The following C17orf113 variants were observed in gnomAD, a reference collection of about 807,000 sequenced individuals.
C17orf113 encodes the protein uncharacterized protein C17orf113.
A neutral mutation model predicts 11.6 loss-of-function variants in C17orf113; 5 were observed. The ratio of observed to expected loss-of-function variants is 0.43; its 90% CI spans 0.23 to 0.91. The LOEUF (loss-of-function observed/expected upper bound fraction) is 0.91, where lower values mean the gene tolerates loss of function less well. Ranked by LOEUF, C17orf113 falls within the 40% of genes least tolerant of loss-of-function variation. The pLI is 0.26. For missense variants in C17orf113, 714 were observed against 841.3 expected (o/e 0.85, Z 1.87); for synonymous variants, 327 against 390.6 (o/e 0.84, Z 1.92).
chr17:42,040,680 T>C lies in C17orf113; in HGVS notation c.1053A>G (p.Pro351=). ...LAAIDLAGPR[P]VPWASLLPVV... ...CAGGCAGCAGGGAGGCCCAGGGCAC[T>C]GGCCGAGGCCCTGCCAAGTCAATAG... The change falls in exon 3 of 3, where the codon CCA becomes CCG. Residue 351 remains proline, a synonymous_variant. Coordinates refer to ENST00000587304, the MANE Select transcript of C17orf113 (RefSeq NM_001358661.2). 1 of 1,232,238 alleles carries C rather than the reference T, an allele frequency of 8.1e-7. No individual in the cohort carries two copies. Among genetic ancestry groups the C allele is most frequent in the Non-Finnish European group, 1.0e-6 (1 of 988,040 alleles). 76.3% of individuals were successfully genotyped at this position (1,232,238 alleles called of 1,614,324 possible).
intron 1 of C17orf113, among the ~76,000 whole-genome samples, chr17:42,048,710 C>T (rs749859463): frequency 2.6e-5 from 4 of 152,106 alleles, no homozygotes; most frequent in Non-Finnish European, 4.4e-5. Context: ...GTTGATTCTT[C>T]CTCCAAAATC....
chr17:42,046,571 G>T (rs1555656639), intron 1 of C17orf113, among the ~76,000 whole-genome samples: 1 of 151,974 alleles, frequency 6.6e-6, no homozygotes, highest in East Asian at 1.9e-4. Flanking sequence ...CTGCACTCCA[G>T]CCTGGGAAAA....
chr17:42,047,006 G>A (rs1567988486), intron 1 of C17orf113, among the ~76,000 whole-genome samples: 1 of 149,832 alleles, frequency 6.7e-6, no homozygotes, highest in Non-Finnish European at 1.5e-5. Context: ...GGGATTACAG[G>A]CACATGCCGC....
In C17orf113 at chr17:42,042,978, A is replaced by G; in HGVS notation, c.399T>C (p.Thr133=). Residue 133 remains threonine, a synonymous_variant, in exon 2 of 3, where the codon ACT becomes ACC. Transcript: ENST00000587304. ...ELDPAKVAVL[T]TVYCMAKEDV... ...CCTCCTTTGCCATGCAGTACACAGTAGTCAGCACAGCCACTTTGGCCGGGT... is the reference window on the plus strand; with the variant it reads ...CCTCCTTTGCCATGCAGTACACAGTGGTCAGCACAGCCACTTTGGCCGGGT... The G allele has an allele frequency of 2.4e-6, 3 of 1,232,424 alleles. No homozygotes were observed. Among genetic ancestry groups the G allele is most frequent in the Non-Finnish European group, 3.0e-6 (3 of 988,140 alleles). The allele number at this position is 1,232,424 out of a possible 1,614,324, so 76.3% of individuals were successfully genotyped here. A position where few individuals can be genotyped will look rare whatever the true frequency, so the allele number is the denominator to read the frequency against.
chr17:42,040,170 G>A lies in C17orf113; in HGVS notation c.1563C>T (p.Phe521=), dbSNP rs2052979923. ...GCGCCTGCGGGTAGCGTCGGGGGTC[G>A]AAGATCGCTGCGAAGGCGGCCACGG... ...LDAVAAFAAI[F]DPRRYPQAPE... Residue 521 remains phenylalanine (F), a synonymous_variant, in exon 3 of 3, where the codon TTC becomes TTT. Transcript: ENST00000587304. 2 of 1,231,590 alleles carry A rather than the reference G, an allele frequency of 1.6e-6. No individual in the cohort carries two copies. Among genetic ancestry groups the A allele is most frequent in the South Asian group, 4.1e-5 (1 of 24,318 alleles). 76.3% of individuals were successfully genotyped at this position (1,231,590 alleles called of 1,614,324 possible).
In C17orf113 at chr17:42,040,529, G is replaced by A; in HGVS notation, c.1204C>T (p.His402Tyr). The change falls in exon 3 of 3, where the codon CAC becomes TAC. Residue 402 changes from histidine (H) to tyrosine (Y), a missense_variant. Coordinates refer to ENST00000587304, the MANE Select transcript of C17orf113 (RefSeq NM_001358661.2). The part of the protein sequence containing the change: ...LRQFTFVAFT[H>Y]LLLDALPSVQ... ...GAGGGCAGGGCATCCAGCAGCAGGT[G>A]GGTGAAGGCCACGAAGGTGAACTGG... 8.1e-7 allele frequency: 1 copy of A among 1,232,892 alleles called. No individual in the cohort carries two copies. The highest frequency in any genetic ancestry group is 1.0e-6 in the Non-Finnish European group (1 of 988,550). 76.4% of individuals were successfully genotyped at this position (1,232,892 alleles called of 1,614,324 possible).
chr17:42,046,071 C>T (rs1555656596), intron 1 of C17orf113, among the ~76,000 whole-genome samples: 2 of 152,194 alleles, frequency 1.3e-5, no homozygotes, highest in East Asian at 3.8e-4. Flanking sequence ...CTCAGATATC[C>T]CTTCTGCCAT....
chr17:42,041,131 T>TATGG lies in C17orf113; in HGVS notation c.598_601dup (p.Tyr201SerfsTer30). 1 of 1,232,190 alleles carries TATGG rather than the reference T, an allele frequency of 8.1e-7. No homozygotes were observed. Among genetic ancestry groups the TATGG allele is most frequent in the Non-Finnish European group, 1.0e-6 (1 of 988,012 alleles). The allele number at this position is 1,232,190 out of a possible 1,614,324, so 76.3% of individuals were successfully genotyped here. ...GGTCTCGTCCAACACCAGCCCCACA[T>TATGG]ATGGGGATGCCTTCAGGCGCTGGCA... On this transcript the variant is annotated frameshift_variant, in exon 3 of 3. Coordinates refer to ENST00000587304, the MANE Select transcript of C17orf113 (RefSeq NM_001358661.2). LOFTEE classifies it low-confidence loss of function (END_TRUNC).
At position 42,040,813 on chromosome 17, in the gene C17orf113, G is replaced by A. The variant is rs1234731705; in HGVS notation, c.920C>T (p.Pro307Leu). 7 of 1,232,158 alleles carry A rather than the reference G, an allele frequency of 5.7e-6. No homozygotes were observed. Among genetic ancestry groups the A allele is most frequent in the African/African-American group, 3.1e-5 (2 of 64,428 alleles). The allele number at this position is 1,232,158 out of a possible 1,614,324, so 76.3% of individuals were successfully genotyped here. ...GCTCTCATATTGACCCAAGTAGGCC[G>A]GGGGCTCAGGATCTGTCCGGCCAGG... is the stretch of plus-strand genomic sequence containing the variant. Reference protein sequence around the residue: ...CLPGRTDPEPPAYLGQYESIL... With the variant: ...CLPGRTDPEPLAYLGQYESIL... Residue 307 changes from proline to leucine, a missense_variant, in exon 3 of 3, where the codon CCG (proline) becomes CTG (leucine). Physicochemically the swap from Pro to Leu is moderately conservative, Grantham distance 98. Around this residue, in one of 3 missense-constraint regions of C17orf113, gnomAD observed 516 missense variants for 626.6 expected, o/e 0.82. Transcript: ENST00000587304.
chr17:42,050,380 G>A lies in C17orf113; in HGVS notation c.-188+177C>T, dbSNP rs922125452. Among the ~76,000 whole-genome samples, 1 of 152,066 alleles carries A rather than the reference G, an allele frequency of 6.6e-6. No homozygotes were observed. The highest frequency in any genetic ancestry group is 1.5e-5 in the Non-Finnish European group (1 of 67,992). The stretch of plus-strand genomic sequence containing the variant: ...GGGGCTCCCCTGCACCTCTTCTCAC[G>A]CATCCTCCCGGGGGCTGGGACGGGG... On this transcript the variant is annotated intron_variant, in intron 1 of 2. Transcript: ENST00000587304. This position sits in a 1 kb window ranked among gnomAD's most constrained non-coding sequence, Gnocchi z 5.6.
chr17:42,044,070 C>T (rs923175516), intron 1 of C17orf113, among the ~76,000 whole-genome samples: 29 of 146,436 alleles, frequency 2.0e-4, no homozygotes, highest in Non-Finnish European at 4.3e-4. Context: ...AATCCCAGCA[C>T]TTTGGGAGGT....
rs1430867688 is a variant in C17orf113, at chr17:42,046,966, G to A, written c.-187-3403C>T. 2.7e-5 allele frequency among the ~76,000 whole-genome samples: 4 copies of A among 148,892 alleles called. No homozygotes were observed. In the East Asian group the frequency reaches 5.9e-4, roughly 22 times the overall value. ...CAATCTCCACCTCCCGGATTCAAGC[G>A]ATTCTCCCGCCTCAGCCTCCCAAGT... On this transcript the variant is annotated intron_variant, in intron 1 of 2. Transcript: ENST00000587304.
At position 42,043,154 on chromosome 17, in the gene C17orf113, C is replaced by G; in HGVS notation, c.223G>C (p.Ala75Pro). 8.1e-7 allele frequency: 1 copy of G among 1,232,186 alleles called. No individual in the cohort carries two copies. The highest frequency in any genetic ancestry group is 1.0e-6 in the Non-Finnish European group (1 of 988,012). The allele number at this position is 1,232,186 out of a possible 1,614,324, so 76.3% of individuals were successfully genotyped here. The change falls in exon 2 of 3, where the codon GCC (alanine) becomes CCC (proline). Residue 75 changes from alanine to proline, a missense_variant. Physicochemically the swap from Ala to Pro is conservative, Grantham distance 27 (BLOSUM62 -1). This residue lies in a region of C17orf113 where 516 missense variants were observed against 626.6 expected (regional missense o/e 0.82). Transcript: ENST00000587304. ...TVGTDNFQRH[A>P]LLRHVTSGAH... is the part of the protein sequence containing the mutation. ...CCTGAGGTCACGTGGCGCAGCAGGG[C>G]GTGGCGCTGGAAGTTGTCTGTGCCC... is the stretch of plus-strand genomic sequence containing the variant.
chr17:42,043,227 C>T lies in C17orf113; in HGVS notation c.150G>A (p.Gln50=), dbSNP rs1214717878. 3.2e-6 allele frequency: 4 copies of T among 1,232,160 alleles called. No homozygotes were observed. The African/African-American group carries it at 6.2e-5, about 19-fold the overall frequency. The allele number at this position is 1,232,160 out of a possible 1,614,324, so 76.3% of individuals were successfully genotyped here. A position where few individuals can be genotyped will look rare whatever the true frequency, so the allele number is the denominator to read the frequency against. ...RKLMFCLECR[Q]ALVRNKHGKA... ...TGCCATGCTTGTTCCGTACCAGGGC[C>T]TGGCGGCACTCGAGGCAGAACATCA... Residue 50 remains glutamine, a synonymous_variant, in exon 2 of 3, where the codon CAG becomes CAA. Coordinates refer to ENST00000587304, the MANE Select transcript of C17orf113 (RefSeq NM_001358661.2).
In C17orf113 at chr17:42,040,693, G is replaced by C. The variant is rs1485962794; in HGVS notation, c.1040C>G (p.Ala347Gly). The C allele has an allele frequency of 2.8e-5, 34 of 1,232,188 alleles. No individual in the cohort carries two copies. Among genetic ancestry groups the C allele is most frequent in the Non-Finnish European group, 3.3e-5 (33 of 988,056 alleles). 76.3% of individuals were successfully genotyped at this position (1,232,188 alleles called of 1,614,324 possible). A position where few individuals can be genotyped will look rare whatever the true frequency, so the allele number is the denominator to read the frequency against. ...GGCCCAGGGCACTGGCCGAGGCCCT[G>C]CCAAGTCAATAGCTGCAAGGTCCAG... is the stretch of plus-strand genomic sequence containing the variant. Reference protein sequence around the residue: ...AALDLAAIDLAGPRPVPWASL... With the variant: ...AALDLAAIDLGGPRPVPWASL... The change falls in exon 3 of 3, where the codon GCA becomes GGA. Residue 347 changes from alanine to glycine, a missense_variant. This residue lies in a region of C17orf113 where 516 missense variants were observed against 626.6 expected (regional missense o/e 0.82). Transcript: ENST00000587304.
intron 1 of C17orf113, among the ~76,000 whole-genome samples, chr17:42,045,077 C>T (rs2053125054): frequency 6.6e-6 from 1 of 152,222 alleles, no homozygotes; most frequent in African/African-American, 2.4e-5. Context: ...GCCATCACGC[C>T]CGGCTAATTT....
At position 42,040,641 on chromosome 17, in the gene C17orf113, C is replaced by G. The variant is rs17737298; in HGVS notation, c.1092G>C (p.Val364=). The G allele has an allele frequency of 1.6e-6, 2 of 1,232,190 alleles. No individual in the cohort carries two copies. The highest frequency in any genetic ancestry group is 3.1e-5 in the African/African-American group (2 of 64,424). 76.3% of individuals were successfully genotyped at this position (1,232,190 alleles called of 1,614,324 possible). ...GCACCAGGCCAGGCCAGGCCTCGGC[C>G]ACTGCTTCCACTACAGGCAGCAGGG... ...WASLLPVVEA[V]AEAWPGLVPT... The change falls in exon 3 of 3, where the codon GTG becomes GTC. Residue 364 remains valine (V), a synonymous_variant. Coordinates refer to ENST00000587304, the MANE Select transcript of C17orf113 (RefSeq NM_001358661.2).
chr17:42,038,564 G>A lies in C17orf113; in HGVS notation c.*1141C>T, dbSNP rs1172238509. 1 of 153,126 alleles carries A rather than the reference G, an allele frequency of 6.5e-6. No homozygotes were observed. Among genetic ancestry groups the A allele is most frequent in the African/African-American group, 2.4e-5 (1 of 41,444 alleles). The allele number at this position is 153,126 out of a possible 1,614,324, so 9.5% of individuals were successfully genotyped here. ...AAGGTCTGAGGCAAGGGCAGGGGAG[G>A]GGTAGGAACTTGGAGAGCAACTGGA... On this transcript the variant is annotated 3_prime_UTR_variant, in exon 3 of 3. Coordinates refer to ENST00000587304, the MANE Select transcript of C17orf113 (RefSeq NM_001358661.2).
intron 1 of C17orf113, among the ~76,000 whole-genome samples, chr17:42,044,823 C>T (rs894721806): frequency 6.6e-6 from 1 of 152,108 alleles, no homozygotes; most frequent in Non-Finnish European, 1.5e-5. Context: ...CCTCTACCTC[C>T]CTCACTCTGC....
Sources: gnomAD v4.1 joint callset for allele counts (sites outside exome capture counted in the v4.1 genomes callset) on GRCh38, gnomAD v4.1.1 for gene constraint, gnomAD v4.1.1 regional missense constraint, Gnocchi (gnomAD v3.1) non-coding constraint, MANE v1.5 for transcripts, NCBI Gene and HGNC (gene_info 2026-07-23, HGNC 2026-07-21) for gene names.